Variants in ZDHHC21 observed in about 807,000 individuals in gnomAD.
The protein encoded by ZDHHC21 is palmitoyltransferase ZDHHC21.
In ZDHHC21, 15 loss-of-function variants were observed where a neutral mutation model predicts 34.6. That is an observed-to-expected ratio of 0.43 (90% CI 0.29 to 0.67). ZDHHC21 has a LOEUF of 0.67. ZDHHC21 is among the 30% of genes least tolerant of loss of function. The probability of loss-of-function intolerance (pLI) is 0.14; values close to 1 mark genes in which losing one functional copy is unlikely to be tolerated. For missense variants in ZDHHC21, 344 were observed against 327.7 expected, an observed-to-expected ratio of 1.05 and a Z score of -0.38; for synonymous variants, 142 against 101.8, an observed-to-expected ratio of 1.40 and a Z score of -2.38.
At chr9:14,638,991 G>A (rs2382495) in intron 8 of ZDHHC21, among the ~76,000 whole-genome samples, 151,828 of 152,196 alleles carry the variant, frequency 1, 75,732 homozygotes, top group Middle Eastern at 1. Context: ...AGATCCAGCA[G>A]TTCACTATTG....
chr9:14,688,421 G>A (rs753481939), intron 2 of ZDHHC21, among the ~76,000 whole-genome samples: 7 of 150,850 alleles, frequency 4.6e-5, no homozygotes, highest in Non-Finnish European at 7.3e-5. Context: ...ATCATTAAAA[G>A]TAATGAAACA....
intron 8 of ZDHHC21, among the ~76,000 whole-genome samples, chr9:14,624,567 C>G (rs1442416233): frequency 6.6e-6 from 1 of 152,048 alleles, no homozygotes; most frequent in Admixed American, 6.6e-5. Context: ...ACTGACTGTT[C>G]TCACTCATAT....
intron 6 of ZDHHC21, among the ~76,000 whole-genome samples, chr9:14,660,372 CAAA>C (rs374162221): frequency 6.8e-5 from 4 of 58,810 alleles, no homozygotes; most frequent in Admixed American, 2.6e-4. Flanking sequence ...GACTCCATCT[CAAA>C]AAAAAAAAAA....
the ZDHHC21 span, among the ~76,000 whole-genome samples, chr9:14,596,343 A>G: frequency 6.6e-6 from 1 of 152,200 alleles, no homozygotes; most frequent in South Asian, 2.1e-4. Context: ...GCTGCGCCCC[A>G]AGCAAGCCGC....
At chr9:14,662,752 CAATT>C (rs1302707442) in intron 5 of ZDHHC21, among the ~76,000 whole-genome samples, 1 of 152,132 alleles carries the variant, frequency 6.6e-6, no homozygotes, top group Non-Finnish European at 1.5e-5. Context: ...ACCCTGGTTT[CAATT>C]GATTAGTAAA....
chr9:14,608,321 A>G (rs1474633557), downstream of ZDHHC21, among the ~76,000 whole-genome samples: 2 of 152,160 alleles, frequency 1.3e-5, no homozygotes, highest in Non-Finnish European at 2.9e-5. Flanking sequence ...AGGAGGGAAC[A>G]TGTCTAATTT....
At chr9:14,647,407 A>G (rs766377663) in intron 7 of ZDHHC21, among the ~76,000 whole-genome samples, 2 of 152,096 alleles carry the variant, frequency 1.3e-5, no homozygotes, top group African/African-American at 4.8e-5. Flanking sequence ...CCTAATCTCA[A>G]TTCAAATTCT....
At position 14,686,931 on chromosome 9, in the gene ZDHHC21, C is replaced by CA. The variant is rs1564408819; in HGVS notation, c.-176+3405_-176+3406insT. Among the ~76,000 whole-genome samples the CA allele has an allele frequency of 2.7e-5, 4 of 149,124 alleles. 1 individual carries two copies. Among genetic ancestry groups the CA allele is most frequent in the African/African-American group, 7.7e-5 (3 of 39,030 alleles). On this transcript the variant is annotated intron_variant, in intron 2 of 9. Coordinates refer to ENST00000380916, the MANE Select transcript of ZDHHC21 (RefSeq NM_178566.6). ...GAGGTTGCAGTGAGCAGAGACTGTA[C>CA]TACAGCACTCCAGCCTGGGCGACAG... is the stretch of plus-strand genomic sequence containing the variant.
At chr9:14,662,962 T>G (rs1833677562) in intron 5 of ZDHHC21, among the ~76,000 whole-genome samples, 1 of 152,162 alleles carries the variant, frequency 6.6e-6, no homozygotes, top group Non-Finnish European at 1.5e-5. Context: ...ATAAGACAAC[T>G]ACTATTTTTA....
In ZDHHC21 at chr9:14,612,883, C is replaced by T. The variant is rs1823558890; in HGVS notation, c.*6083G>A. The T allele has an allele frequency of 1.2e-5, 1 of 82,830 alleles. No homozygotes were observed. Among genetic ancestry groups the T allele is most frequent in the East Asian group, 3.4e-4 (1 of 2,976 alleles). The allele number at this position is 82,830 out of a possible 1,614,324, so 5.1% of individuals were successfully genotyped here. On this transcript the variant is annotated 3_prime_UTR_variant, in exon 10 of 10. Coordinates refer to ENST00000380916, the MANE Select transcript of ZDHHC21 (RefSeq NM_178566.6). ...ACACACACACACACACACACACACG[C>T]TGAACTCGATTTGTAATGAGAACGA...
intron 7 of ZDHHC21, among the ~76,000 whole-genome samples, chr9:14,647,883 T>C (rs1361497271): frequency 6.6e-6 from 1 of 152,140 alleles, no homozygotes; most frequent in Admixed American, 6.6e-5. Context: ...ATATCATCTT[T>C]ATGCTGAAAG....
chr9:14,600,312 AG>A, the ZDHHC21 span, among the ~76,000 whole-genome samples: 5 of 152,222 alleles, frequency 3.3e-5, no homozygotes, highest in Admixed American at 6.5e-5. Flanking sequence ...GCAAAGTCTC[AG>A]GATACAAAAT....
intron 8 of ZDHHC21, among the ~76,000 whole-genome samples, chr9:14,629,275 G>C (rs1460774386): frequency 5.3e-5 from 8 of 152,018 alleles, no homozygotes; most frequent in African/African-American, 1.9e-4. Context: ...GTTTCCACTC[G>C]GTTTTAGAAA....
intron 8 of ZDHHC21, among the ~76,000 whole-genome samples, chr9:14,630,521 G>A (rs563031404): frequency 1.3e-5 from 2 of 151,984 alleles, no homozygotes; most frequent in Admixed American, 6.6e-5. Context: ...TGTTATTTTG[G>A]TCCCCTCCCA....
chr9:14,610,000 G>A (rs1032346952), downstream of ZDHHC21, among the ~76,000 whole-genome samples: 26 of 152,082 alleles, frequency 1.7e-4, no homozygotes, highest in Admixed American at 8.5e-4. Flanking sequence ...AGACATGAGA[G>A]CTTTGCAGAA....
intron 8 of ZDHHC21, among the ~76,000 whole-genome samples, chr9:14,626,797 A>G (rs1033896508): frequency 6.6e-6 from 1 of 152,082 alleles, no homozygotes; most frequent in Admixed American, 6.6e-5. Flanking sequence ...TGACATTAAA[A>G]GCATATTTAA....
intron 2 of ZDHHC21, among the ~76,000 whole-genome samples, chr9:14,689,822 C>T (rs1838910292): frequency 1.3e-5 from 2 of 152,134 alleles, no homozygotes; most frequent in African/African-American, 4.8e-5. Context: ...TGGAGTGCTG[C>T]AATCACAGCC....
At chr9:14,654,254 C>G (rs1831780865) in intron 7 of ZDHHC21, among the ~76,000 whole-genome samples, 1 of 152,008 alleles carries the variant, frequency 6.6e-6, no homozygotes, top group Non-Finnish European at 1.5e-5. Flanking sequence ...AATCAAGATT[C>G]CTTACAAAAT....
intron 7 of ZDHHC21, among the ~76,000 whole-genome samples, chr9:14,643,129 C>A (rs1036049682): frequency 1.3e-5 from 2 of 152,042 alleles, no homozygotes; most frequent in African/African-American, 4.8e-5. Flanking sequence ...TGCCTATAAT[C>A]ACAGCTACTA....
Sources: gnomAD v4.1 joint callset for allele counts (sites outside exome capture counted in the v4.1 genomes callset) on GRCh38, gnomAD v4.1.1 for gene constraint, MANE v1.5 for transcripts, NCBI Gene and HGNC (gene_info 2026-07-23, HGNC 2026-07-21) for gene names.